The following MT1A variants were observed in gnomAD, a reference collection of about 807,000 sequenced individuals.
The protein encoded by MT1A is metallothionein-1A.
MT1A carries 6 observed loss-of-function variants against 5.5 expected under a neutral mutation model. That is an observed-to-expected ratio of 1.09 (90% CI 0.60 to 2.16). The LOEUF (loss-of-function observed/expected upper bound fraction) is 2.16, where lower values mean the gene tolerates loss of function less well. Among genes scored for constraint, MT1A ranks in the 30% most tolerant of loss-of-function variants. MT1A has a pLI of 0.00. For synonymous variants in MT1A, 23 were observed against 24.8 expected, an observed-to-expected ratio of 0.93 and a Z score of 0.21; for missense variants, 69 against 73.4, an observed-to-expected ratio of 0.94 and a Z score of 0.22.
At position 56,639,943 on chromosome 16, in the gene MT1A, G is replaced by C. The variant is rs377750968; in HGVS notation, c.179G>C (p.Cys60Ser). The C allele has an allele frequency of 8.7e-6, 14 of 1,614,238 alleles. No individual in the cohort carries two copies. The highest frequency in any genetic ancestry group is 1.3e-5 in the African/African-American group (1 of 75,066). ...CKGASEKCSCCA is the reference protein window; with the variant it reads ...CKGASEKCSCSA The stretch of plus-strand genomic sequence containing the variant: ...GGGGCATCAGAGAAGTGCAGCTGCT[G>C]TGCCTGATGTCCGGACAGCCCTGCT... Residue 60 changes from cysteine (C) to serine (S), a missense_variant, in exon 3 of 3, where the codon TGT becomes TCT. Physicochemically the swap from Cys to Ser is moderately radical, Grantham distance 112 (BLOSUM62 -1). Coordinates refer to ENST00000290705, the MANE Select transcript of MT1A (RefSeq NM_005946.3).
At position 56,639,955 on chromosome 16, in the gene MT1A, C is replaced by G; in HGVS notation, c.*5C>G. On this transcript the variant is annotated 3_prime_UTR_variant, in exon 3 of 3. Coordinates refer to ENST00000290705, the MANE Select transcript of MT1A (RefSeq NM_005946.3). ...AAGTGCAGCTGCTGTGCCTGATGTCCGGACAGCCCTGCTCGAAGATATAGA... is the reference window on the plus strand; with the variant it reads ...AAGTGCAGCTGCTGTGCCTGATGTCGGGACAGCCCTGCTCGAAGATATAGA... 6.2e-7 allele frequency: 1 copy of G among 1,614,108 alleles called. No homozygotes were observed. Among genetic ancestry groups the G allele is most frequent in the East Asian group, 2.2e-5 (1 of 44,884 alleles).
chr16:56,639,831 T>C, intron 2 of MT1A, 28 bp from the exon 3 acceptor site: 1 of 1,613,960 alleles, frequency 6.2e-7, no homozygotes, highest in Non-Finnish European at 8.5e-7. Flanking sequence ...AAGTCTGGTC[T>C]GACCTCTCAC....
intron 1 of MT1A, 125 bp downstream of exon 1, chr16:56,638,891 G>A: frequency 8.4e-7 from 1 of 1,187,814 alleles, no homozygotes; most frequent in Non-Finnish European, 1.2e-6. Context: ...TTGATCTAGT[G>A]CTTTTCCACT....
chr16:56,639,793 T>C, intron 2 of MT1A, 66 bp from the exon 3 acceptor site: 1 of 1,605,252 alleles, frequency 6.2e-7, no homozygotes, highest in Non-Finnish European at 8.5e-7. Context: ...TGGGCCAGGC[T>C]TCTCTGGGGG....
Position 56,638,753 on chromosome 16 carries a change from C to T in MT1A, c.15C>T (p.Cys5=). The part of the protein sequence containing the change: MDPN[C]SCATGGSCTC... ...CGCGGCTCGAAATGGACCCCAACTG[C>T]TCCTGCGCCACTGGTAAGGGATGCT... The change falls in exon 1 of 3, where the codon TGC becomes TGT. Residue 5 remains cysteine (C), a synonymous_variant. Coordinates refer to ENST00000290705, the MANE Select transcript of MT1A (RefSeq NM_005946.3). The T allele has an allele frequency of 6.2e-7, 1 of 1,614,188 alleles. No homozygotes were observed.
chr16:56,639,010 GA>G (rs1278581669), intron 1 of MT1A, among the ~76,000 whole-genome samples: 1 of 152,150 alleles, frequency 6.6e-6, no homozygotes, highest in Non-Finnish European at 1.5e-5. Flanking sequence ...GGTAGTCGGG[GA>G]CTGCTAGGCT....
At position 56,638,760 on chromosome 16, in the gene MT1A, G is replaced by A. The variant is rs1230770386; in HGVS notation, c.22G>A (p.Ala8Thr). Reference sequence around the variant, plus strand: ...CGAAATGGACCCCAACTGCTCCTGCGCCACTGGTAAGGGATGCTAGGTTTC... The same window carrying A: ...CGAAATGGACCCCAACTGCTCCTGCACCACTGGTAAGGGATGCTAGGTTTC... The part of the protein sequence containing the change: MDPNCSC[A>T]TGGSCTCTGS... Residue 8 changes from alanine (A) to threonine (T), a missense_variant, in exon 1 of 3, where the codon GCC becomes ACC. Coordinates refer to ENST00000290705, the MANE Select transcript of MT1A (RefSeq NM_005946.3). 1 of 1,614,096 alleles carries A rather than the reference G, an allele frequency of 6.2e-7. No individual in the cohort carries two copies. Among genetic ancestry groups the A allele is most frequent in the East Asian group, 2.2e-5 (1 of 44,880 alleles).
chr16:56,639,438 C>G (rs777953400), intron 2 of MT1A, 109 bp downstream of exon 2: 1 of 1,279,894 alleles, frequency 7.8e-7, no homozygotes, highest in Non-Finnish European at 1.1e-6. Context: ...ACATCCCCTT[C>G]CCCAGCAACT....
chr16:56,638,876 T>C, intron 1 of MT1A, 110 bp downstream of exon 1: 1 of 1,323,540 alleles, frequency 7.6e-7, no homozygotes, highest in South Asian at 1.2e-5. Context: ...GAGTCATTTA[T>C]TTCATTGATC....
At chr16:56,639,713 C>A in intron 2 of MT1A, 146 bp from the exon 3 acceptor site, 1 of 1,078,246 alleles carries the variant, frequency 9.3e-7, no homozygotes, top group Non-Finnish European at 1.4e-6. Context: ...AAAGATCCAC[C>A]ACTTATCTCC....
chr16:56,638,669 A>G lies in MT1A; in HGVS notation c.-70A>G. On this transcript the variant is annotated 5_prime_UTR_variant, in exon 1 of 3. Transcript: ENST00000290705. ...CAGCCGCTGGCTGCTGGGCCCTACC[A>G]AGCCTTCCACGTGCGCCTTATAGCC... 6.4e-7 allele frequency: 1 copy of G among 1,570,402 alleles called. No individual in the cohort carries two copies. Among genetic ancestry groups the G allele is most frequent in the Non-Finnish European group, 8.8e-7 (1 of 1,140,746 alleles).
chr16:56,638,693 C>T lies in MT1A; in HGVS notation c.-46C>T, dbSNP rs372699619. The T allele has an allele frequency of 1.5e-5, 24 of 1,611,626 alleles. No individual in the cohort carries two copies. The South Asian group carries it at 1.6e-4, about 11-fold the overall frequency. On this transcript the variant is annotated 5_prime_UTR_variant, in exon 1 of 3. Coordinates refer to ENST00000290705, the MANE Select transcript of MT1A (RefSeq NM_005946.3). ...CAAGCCTTCCACGTGCGCCTTATAG[C>T]CTCTCAACTTCTTGCTTGGGATCTC...
At chr16:56,639,396 G>C in intron 2 of MT1A, 67 bp downstream of exon 2, 1 of 1,521,758 alleles carries the variant, frequency 6.6e-7, no homozygotes, top group Non-Finnish European at 9.1e-7. Context: ...CCAGAGCTGG[G>C]CATGGAGGAG....
chr16:56,639,658 T>C (rs1323835955), intron 2 of MT1A, among the ~76,000 whole-genome samples: 1 of 152,202 alleles, frequency 6.6e-6, no homozygotes, highest in African/African-American at 2.4e-5. Context: ...CTGCCAGGTC[T>C]GGGGCTCAGA....
rs200659266 is a variant in MT1A, at chr16:56,639,927, G to T, written c.163G>T (p.Glu55Ter). The T allele has an allele frequency of 5.6e-6, 9 of 1,614,244 alleles. No homozygotes were observed. Among genetic ancestry groups the T allele is most frequent in the Non-Finnish European group, 7.6e-6 (9 of 1,180,040 alleles). The change falls in exon 3 of 3, where the codon GAG becomes TAG. Residue 55 changes from glutamate to a stop codon, truncating the protein, a stop_gained. Coordinates refer to ENST00000290705, the MANE Select transcript of MT1A (RefSeq NM_005946.3). LOFTEE classifies it high-confidence loss of function. ...AQGCICKGAS[E>*]KCSCCA ...GGGCTGCATCTGCAAAGGGGCATCA[G>T]AGAAGTGCAGCTGCTGTGCCTGATG...
At chr16:56,639,155 G>T in intron 1 of MT1A, 109 bp from the exon 2 acceptor site, 1 of 1,271,780 alleles carries the variant, frequency 7.9e-7, no homozygotes, top group South Asian at 1.2e-5. Context: ...GCCCTGAGTT[G>T]GACAGGAGCT....
At position 56,639,857 on chromosome 16, in the gene MT1A, AG is replaced by A; in HGVS notation, c.95del. On this transcript the variant is annotated splice_acceptor_variant, in intron 2 of 2. Coordinates refer to ENST00000290705, the MANE Select transcript of MT1A (RefSeq NM_005946.3). LOFTEE classifies it high-confidence loss of function. ...GACCTCTCACTCTCCCTTCTTCCCC[AG>A]GCTGCTGCTCCTGCTGCCCCATGAG... 6.2e-7 allele frequency: 1 copy of A among 1,614,162 alleles called. No homozygotes were observed. Among genetic ancestry groups the A allele is most frequent in the Non-Finnish European group, 8.5e-7 (1 of 1,180,010 alleles).
In MT1A at chr16:56,639,286, C is replaced by T; in HGVS notation, c.51C>T (p.Gly17=). 6.2e-7 allele frequency: 1 copy of T among 1,612,164 alleles called. No homozygotes were observed. The highest frequency in any genetic ancestry group is 8.5e-7 in the Non-Finnish European group (1 of 1,178,660). ...CAGGTGGCTCCTGCACCTGCACTGG[C>T]TCCTGCAAATGCAAAGAGTGCAAAT... ...CATGGSCTCT[G]SCKCKECKCT... Residue 17 remains glycine, a synonymous_variant, in exon 2 of 3, where the codon GGC becomes GGT. Transcript: ENST00000290705.
In MT1A at chr16:56,638,690, T is replaced by C. The variant is rs777483148; in HGVS notation, c.-49T>C. 5.6e-6 allele frequency: 9 copies of C among 1,611,486 alleles called. No homozygotes were observed. In the South Asian group the frequency reaches 8.8e-5, roughly 16 times the overall value. The stretch of plus-strand genomic sequence containing the variant: ...TACCAAGCCTTCCACGTGCGCCTTA[T>C]AGCCTCTCAACTTCTTGCTTGGGAT... On this transcript the variant is annotated 5_prime_UTR_variant, in exon 1 of 3. Transcript: ENST00000290705.
Sources: allele counts gnomAD v4.1 joint callset (sites outside exome capture counted in the v4.1 genomes callset), GRCh38; gene constraint gnomAD v4.1.1; transcripts MANE v1.5; gene names NCBI Gene and HGNC (gene_info 2026-07-23, HGNC 2026-07-21).